NDUFA5: variants seen among roughly 807,000 people sequenced by gnomAD.
The protein encoded by NDUFA5 is NADH:ubiquinone oxidoreductase subunit A5.
Under a neutral mutation model 19.8 loss-of-function variants are expected in NDUFA5, and 11 were observed. That is an observed-to-expected ratio of 0.56 (90% CI 0.35 to 0.92). The LOEUF is 0.92. Ranked by LOEUF, NDUFA5 falls within the 40% of genes least tolerant of loss-of-function variation. NDUFA5 has a pLI of 0.01. For synonymous variants in NDUFA5, 47 were observed against 46.8 expected (o/e 1.00, Z -0.01); for missense variants, 109 against 134.2 (o/e 0.81, Z 0.93).
At chr7:123,556,808 T>C in intron 2 of NDUFA5, 3 of 495,688 alleles carry the variant, frequency 6.1e-6, no homozygotes, top group South Asian at 1.5e-5. Context: ...TGGAGATAAT[T>C]GGTGAACTTG....
the NDUFA5 span, among the ~76,000 whole-genome samples, chr7:123,571,785 G>A: frequency 6.6e-6 from 1 of 152,268 alleles, no homozygotes; most frequent in East Asian, 1.9e-4. Context: ...AGTCCCACTT[G>A]TCTATTTTTG....
chr7:123,573,300 T>TC, the NDUFA5 span, among the ~76,000 whole-genome samples: 5 of 151,502 alleles, frequency 3.3e-5, no homozygotes, highest in Admixed American at 2.0e-4. Flanking sequence ...TTTTTTTTTT[T>TC]TTTTTGTCAT....
chr7:123,551,733 C>G (rs1489578859), intron 2 of NDUFA5, among the ~76,000 whole-genome samples: 1 of 152,112 alleles, frequency 6.6e-6, no homozygotes, highest in Non-Finnish European at 1.5e-5. Flanking sequence ...AGAATTGAGT[C>G]AATGCATAGC....
In NDUFA5 at chr7:123,542,211, C is replaced by T. The variant is rs1166917305; in HGVS notation, c.259G>A (p.Glu87Lys). The change falls in exon 5 of 5, where the codon GAA becomes AAA. Residue 87 changes from glutamate to lysine, a missense_variant. By Grantham distance (56) the Glu-to-Lys change is moderately conservative. Transcript: ENST00000355749. ...CTCATTTTTCTTGCCAGATTTAGTT[C>T]ATGTTCAGCCTGTTAATACAAATTT... ...LEEVILQAEHELNLARKMREW... is the reference protein window; with the variant it reads ...LEEVILQAEHKLNLARKMREW... 5.0e-6 allele frequency: 8 copies of T among 1,609,346 alleles called. No homozygotes were observed. The highest frequency in any genetic ancestry group is 2.7e-5 in the African/African-American group (2 of 74,612).
At chr7:123,587,941 T>C in the NDUFA5 span, among the ~76,000 whole-genome samples, 2 of 151,796 alleles carry the variant, frequency 1.3e-5, no homozygotes, top group Non-Finnish European at 2.9e-5. Flanking sequence ...GGTTTACTAG[T>C]ATTTTGTTGA....
At chr7:123,589,324 C>T in the NDUFA5 span, among the ~76,000 whole-genome samples, 5 of 96,522 alleles carry the variant, frequency 5.2e-5, no homozygotes, top group South Asian at 3.2e-4. Flanking sequence ...TTATTATTAT[C>T]ATTATTATTA....
upstream of NDUFA5, among the ~76,000 whole-genome samples, chr7:123,560,284 C>T (rs1382572041): frequency 6.6e-6 from 1 of 152,138 alleles, no homozygotes; most frequent in African/African-American, 2.4e-5. Context: ...AATATTTTTC[C>T]ACTCTCACCA....
chr7:123,568,846 AAATT>A, the NDUFA5 span, among the ~76,000 whole-genome samples: 1 of 152,206 alleles, frequency 6.6e-6, no homozygotes, highest in African/African-American at 2.4e-5. Flanking sequence ...TAGAATGAGA[AAATT>A]AAGTATAAAA....
chr7:123,581,495 A>G, the NDUFA5 span, among the ~76,000 whole-genome samples: 2 of 151,266 alleles, frequency 1.3e-5, no homozygotes, highest in African/African-American at 2.4e-5. Context: ...CTTAAGTCCT[A>G]AGGGCACATT....
At chr7:123,585,406 A>G in the NDUFA5 span, among the ~76,000 whole-genome samples, 1 of 151,778 alleles carries the variant, frequency 6.6e-6, no homozygotes, top group Non-Finnish European at 1.5e-5. Flanking sequence ...GACACATTAC[A>G]TGTAGGAATG....
chr7:123,589,301 T>TTTATTA, the NDUFA5 span, among the ~76,000 whole-genome samples: 3,918 of 147,458 alleles, frequency 0.027, 154 homozygotes, highest in African/African-American at 0.085. Flanking sequence ...CTTTCATCTC[T>TTTATTA]TTATTATTAT....
the NDUFA5 span, among the ~76,000 whole-genome samples, chr7:123,591,441 A>G: frequency 6.6e-6 from 1 of 152,196 alleles, no homozygotes; most frequent in Non-Finnish European, 1.5e-5. Flanking sequence ...TGGGTTTGTC[A>G]TAAATAGCTC....
chr7:123,571,544 G>A, the NDUFA5 span, among the ~76,000 whole-genome samples: 149,778 of 152,316 alleles, frequency 0.98, 73,698 homozygotes, highest in East Asian at 1. Flanking sequence ...CTTTTTATTT[G>A]TAGATAATAA....
At chr7:123,557,006 G>T (rs766926034) in intron 2 of NDUFA5, 4 of 470,880 alleles carry the variant, frequency 8.5e-6, no homozygotes, top group South Asian at 6.3e-5. Flanking sequence ...AGATGGAAAA[G>T]ACCTAACAGA....
chr7:123,558,500 G>A (rs1165607375), upstream of NDUFA5, among the ~76,000 whole-genome samples: 5 of 152,214 alleles, frequency 3.3e-5, no homozygotes, highest in East Asian at 5.8e-4. Flanking sequence ...TGAAGAAGGC[G>A]TGTATTAATA....
intron 3 of NDUFA5, among the ~76,000 whole-genome samples, chr7:123,547,604 C>CAGATT (rs1467704643): frequency 1.3e-5 from 2 of 152,014 alleles, no homozygotes; most frequent in Non-Finnish European, 2.9e-5. Flanking sequence ...ATGTTTAAGA[C>CAGATT]AGATTATTTA....
intron 2 of NDUFA5, chr7:123,556,962 TG>T (rs1232903756): frequency 2.2e-6 from 1 of 450,764 alleles, no homozygotes; most frequent in East Asian, 6.4e-5. Flanking sequence ...AAAAAAATTT[TG>T]TGGGTTTTTT....
the NDUFA5 span, among the ~76,000 whole-genome samples, chr7:123,585,527 G>C: frequency 2.0e-5 from 3 of 151,654 alleles, no homozygotes; most frequent in African/African-American, 7.3e-5. Flanking sequence ...TAAATAAAAC[G>C]TGTATATACA....
chr7:123,566,440 G>C, the NDUFA5 span, among the ~76,000 whole-genome samples: 3 of 152,108 alleles, frequency 2.0e-5, no homozygotes, highest in Non-Finnish European at 4.4e-5. Context: ...AATACCCTGA[G>C]AAATAGATTA....
Sources: gnomAD v4.1 joint callset for allele counts (sites outside exome capture counted in the v4.1 genomes callset) on GRCh38, gnomAD v4.1.1 for gene constraint, MANE v1.5 for transcripts, NCBI Gene and HGNC (gene_info 2026-07-23, HGNC 2026-07-21) for gene names.